NUF2: variants seen among roughly 807,000 people sequenced by gnomAD.
NUF2 encodes the protein NUF2 component of NDC80 kinetochore complex.
Under a neutral mutation model 61.8 loss-of-function variants are expected in NUF2, and 34 were observed. The observed-to-expected ratio is 0.55, with a 90% CI of 0.42 to 0.73. The LOEUF (loss-of-function observed/expected upper bound fraction) is 0.73, where lower values mean the gene tolerates loss of function less well. NUF2 is among the 30% of genes least tolerant of loss of function. The pLI is 0.00. For synonymous variants in NUF2, 172 were observed against 181.6 expected (o/e 0.95, Z 0.42); for missense variants, 445 against 539.1 (o/e 0.83, Z 1.73).
intron 5 of NUF2, among the ~76,000 whole-genome samples, chr1:163,332,162 G>T (rs1019461594): frequency 2.0e-5 from 3 of 151,698 alleles, no homozygotes; most frequent in African/African-American, 4.8e-5. Flanking sequence ...CCCAAACCTT[G>T]ATATGTTGTA....
At chr1:163,322,815 C>T (rs1394877223) in intron 1 of NUF2, 3 of 152,186 alleles carry the variant, frequency 2.0e-5, no homozygotes, top group African/African-American at 7.2e-5. Flanking sequence ...ACTCGTTAGA[C>T]AGAGTATTAC....
At chr1:163,329,176 C>T (rs547722860) in intron 5 of NUF2, among the ~76,000 whole-genome samples, 47 of 151,912 alleles carry the variant, frequency 3.1e-4, no homozygotes, top group African/African-American at 1.1e-3. Flanking sequence ...AATATGACTA[C>T]AAATAATATG....
intron 7 of NUF2, among the ~76,000 whole-genome samples, chr1:163,338,304 T>TTTG (rs200822775): frequency 2.6e-5 from 4 of 151,584 alleles, no homozygotes; most frequent in African/African-American, 4.8e-5. Context: ...TCCTTTGGCT[T>TTTG]TTGTTGTTGT....
At chr1:163,332,403 C>A (rs1650625728) in intron 5 of NUF2, among the ~76,000 whole-genome samples, 4 of 152,058 alleles carry the variant, frequency 2.6e-5, no homozygotes, top group Admixed American at 2.6e-4. Context: ...AGAATATGGT[C>A]TATATTTGTT....
chr1:163,331,521 C>T (rs577955924), intron 5 of NUF2, among the ~76,000 whole-genome samples: 3 of 152,056 alleles, frequency 2.0e-5, no homozygotes, highest in East Asian at 3.9e-4. Context: ...TCATACAATA[C>T]ATTTGGAAAG....
chr1:163,330,503 T>C (rs1404532686), intron 5 of NUF2, among the ~76,000 whole-genome samples: 3 of 152,204 alleles, frequency 2.0e-5, no homozygotes, highest in Non-Finnish European at 4.4e-5. Flanking sequence ...GTGTTACTCC[T>C]CTTTCTTCAT....
intron 13 of NUF2, among the ~76,000 whole-genome samples, chr1:163,349,471 G>A (rs777272424): frequency 6.6e-6 from 1 of 152,052 alleles, no homozygotes; most frequent in Non-Finnish European, 1.5e-5. Context: ...CAGAACAATA[G>A]TTCAAACTGC....
chr1:163,326,370 A>T (rs559267582), intron 2 of NUF2, among the ~76,000 whole-genome samples, 196 bp downstream of exon 2: 5 of 151,096 alleles, frequency 3.3e-5, no homozygotes, highest in Non-Finnish European at 7.4e-5. Flanking sequence ...CTACATTCCC[A>T]TTAGGATTCA....
intron 5 of NUF2, among the ~76,000 whole-genome samples, chr1:163,335,072 G>C (rs1364706630): frequency 6.6e-6 from 1 of 152,170 alleles, no homozygotes; most frequent in African/African-American, 2.4e-5. Context: ...TCCTGCCTCA[G>C]CCTCCTGAGT....
chr1:163,343,925 T>A, intron 10 of NUF2, 55 bp downstream of exon 10: 1 of 1,144,282 alleles, frequency 8.7e-7, no homozygotes, highest in Non-Finnish European at 1.2e-6. Flanking sequence ...AATTAGCAAA[T>A]TCTTGTTTAA....
At position 163,328,849 on chromosome 1, in the gene NUF2, C is replaced by T. The variant is rs1650509722; in HGVS notation, c.279C>T (p.Asp93=). The T allele has an allele frequency of 2.5e-6, 4 of 1,596,760 alleles. No individual in the cohort carries two copies. Among genetic ancestry groups the T allele is most frequent in the Non-Finnish European group, 3.4e-6 (4 of 1,165,018 alleles). Residue 93 remains aspartate, a synonymous_variant, in exon 5 of 14, where the codon GAC becomes GAT. Transcript: ENST00000271452. ...CTTTTTGTACTTCATCTTCAAGGGA[C>T]TCATTTTTGCCTATCTGCCGGGTGA... is the stretch of plus-strand genomic sequence containing the variant. ...LPFSNLVTHL[D]SFLPICRVND...
At chr1:163,333,845 G>A (rs528237840) in intron 5 of NUF2, among the ~76,000 whole-genome samples, 4 of 152,090 alleles carry the variant, frequency 2.6e-5, no homozygotes, top group East Asian at 1.9e-4. Flanking sequence ...TACATGTAGT[G>A]GGTACAAGTC....
intron 1 of NUF2, 85 bp from the exon 2 acceptor site, chr1:163,325,947 C>A: frequency 2.9e-6 from 3 of 1,035,540 alleles, no homozygotes; most frequent in Non-Finnish European, 2.9e-6. Flanking sequence ...TCAACTTTGG[C>A]TCATTTTGTC....
intron 8 of NUF2, 139 bp downstream of exon 8, chr1:163,339,616 C>A: frequency 1.7e-6 from 1 of 597,722 alleles, no homozygotes; most frequent in Non-Finnish European, 3.0e-6. Flanking sequence ...ATTTGTGCCC[C>A]TTATAATGGA....
In NUF2 at chr1:163,338,398, G is replaced by A. The variant is rs1262123407; in HGVS notation, c.509+305G>A. 5.9e-5 allele frequency among the ~76,000 whole-genome samples: 9 copies of A among 151,902 alleles called. No individual in the cohort carries two copies. The East Asian group carries it at 1.7e-3, about 29-fold the overall frequency. ...GTCTGGAATATTGTCTTATGTAGGT[G>A]AGCAGTAACTGCCTGGACTATCTTC... is the stretch of plus-strand genomic sequence containing the variant. On this transcript the variant is annotated intron_variant, in intron 7 of 13. Transcript: ENST00000271452.
chr1:163,334,760 CAGAGTG>C (rs1650701287), intron 5 of NUF2, among the ~76,000 whole-genome samples: 1 of 151,974 alleles, frequency 6.6e-6, no homozygotes, highest in Non-Finnish European at 1.5e-5. Context: ...GCCTGAGCAA[CAGAGTG>C]AGACCTGCTT....
In NUF2 at chr1:163,347,749, C is replaced by T. The variant is rs767104806; in HGVS notation, c.949-14C>T. The T allele has an allele frequency of 5.4e-6, 8 of 1,474,604 alleles. No homozygotes were observed. Among genetic ancestry groups the T allele is most frequent in the Admixed American group, 2.4e-5 (1 of 40,828 alleles). 91.3% of individuals were successfully genotyped at this position (1,474,604 alleles called of 1,614,324 possible). A position where few individuals can be genotyped will look rare whatever the true frequency, so the allele number is the denominator to read the frequency against. ...TTGGTTATGTTGACTTTAAATACTT[C>T]TTATAAAATACAGAGCCTGAACTTG... On this transcript the variant is annotated splice_polypyrimidine_tract_variant and intron_variant, in intron 11 of 13. Transcript: ENST00000271452.
At position 163,327,500 on chromosome 1, in the gene NUF2, C is replaced by A; in HGVS notation, c.136C>A (p.His46Asn). 1 of 1,609,310 alleles carries A rather than the reference C, an allele frequency of 6.2e-7. No homozygotes were observed. The highest frequency in any genetic ancestry group is 8.5e-7 in the Non-Finnish European group (1 of 1,175,968). The change falls in exon 3 of 14, where the codon CAC (histidine) becomes AAC (asparagine). Residue 46 changes from histidine (H) to asparagine (N), a missense_variant. His to Asn is a moderately conservative substitution (Grantham distance 68). Transcript: ENST00000271452. ...TTTTTTGCTGTAGCCTGAAGTCTTG[C>A]ACATGATCTACATGAGAGCCTTACA... is the stretch of plus-strand genomic sequence containing the variant. ...LYPNPKPEVL[H>N]MIYMRALQIV... is the part of the protein sequence containing the mutation.
chr1:163,341,358 T>A (rs971875723), intron 9 of NUF2, among the ~76,000 whole-genome samples: 6 of 152,034 alleles, frequency 3.9e-5, no homozygotes, highest in Non-Finnish European at 7.4e-5. Context: ...TACAGGCTTG[T>A]GCCGCCACAC....
Sources: allele counts gnomAD v4.1 joint callset (sites outside exome capture counted in the v4.1 genomes callset), GRCh38; gene constraint gnomAD v4.1.1; transcripts MANE v1.5; gene names NCBI Gene and HGNC (gene_info 2026-07-23, HGNC 2026-07-21).